MNAT1: variants seen among roughly 807,000 people sequenced by gnomAD.
The protein encoded by MNAT1 is CDK-activating kinase assembly factor MAT1.
In MNAT1, 43 loss-of-function variants were observed where a neutral mutation model predicts 42.0. The ratio of observed to expected loss-of-function variants is 1.02; its 90% CI spans 0.80 to 1.32. The LOEUF (loss-of-function observed/expected upper bound fraction) is 1.32, where lower values mean the gene tolerates loss of function less well. MNAT1 is among the 40% of genes most tolerant of loss of function. The probability of loss-of-function intolerance (pLI) is 0.00; values close to 1 mark genes in which losing one functional copy is unlikely to be tolerated. For synonymous variants in MNAT1, 118 were observed against 120.0 expected (o/e 0.98, Z 0.11); for missense variants, 306 against 350.4 (o/e 0.87, Z 1.01).
At position 60,969,616 on chromosome 14, in the gene MNAT1, C is replaced by T. The variant is rs2036745726; in HGVS notation, c.*1267C>T. The T allele has an allele frequency of 6.6e-6, 1 of 151,986 alleles. No homozygotes were observed. The highest frequency in any genetic ancestry group is 1.5e-5 in the Non-Finnish European group (1 of 67,980). The allele number at this position is 151,986 out of a possible 1,614,324, so 9.4% of individuals were successfully genotyped here. A position where few individuals can be genotyped will look rare whatever the true frequency, so the allele number is the denominator to read the frequency against. ...GGTTTTTTTTTTCAAAGTCCAGTTC[C>T]ATCTACATTCTACCAGACTGCATAT... is the stretch of plus-strand genomic sequence containing the variant. On this transcript the variant is annotated 3_prime_UTR_variant, in exon 8 of 8. Coordinates refer to ENST00000261245, the MANE Select transcript of MNAT1 (RefSeq NM_002431.4).
intron 4 of MNAT1, among the ~76,000 whole-genome samples, chr14:60,810,977 T>C (rs2032524615): frequency 6.6e-6 from 1 of 152,234 alleles, no homozygotes; most frequent in Non-Finnish European, 1.5e-5. Flanking sequence ...ACTGTTACTA[T>C]ATTGCTGTCT....
intron 7 of MNAT1, among the ~76,000 whole-genome samples, chr14:60,918,002 A>G (rs2035563541): frequency 6.6e-6 from 1 of 151,998 alleles, no homozygotes; most frequent in Non-Finnish European, 1.5e-5. Flanking sequence ...TTTCAAATAC[A>G]TCAGCAGGTT....
At chr14:60,939,083 C>T (rs2036076387) in intron 7 of MNAT1, among the ~76,000 whole-genome samples, 1 of 152,102 alleles carries the variant, frequency 6.6e-6, no homozygotes, top group Non-Finnish European at 1.5e-5. Flanking sequence ...GTGATATCCC[C>T]TTTATCATTT....
intron 1 of MNAT1, among the ~76,000 whole-genome samples, chr14:60,745,192 G>C (rs1407173104): frequency 1.3e-5 from 2 of 152,178 alleles, no homozygotes; most frequent in African/African-American, 4.8e-5. Context: ...TATTTGTAGG[G>C]CTCACCTTGT....
rs79513529 is a variant in MNAT1 at position 60,879,971 on chromosome 14, A to T, written c.809+136A>T. On this transcript the variant is annotated intron_variant, in intron 7 of 7. Coordinates refer to ENST00000261245, the MANE Select transcript of MNAT1 (RefSeq NM_002431.4). ...TTGTGAAAAATGAACAGTACTCAAT[A>T]CCAAATTGTTTTATTTAGTACATTA... The T allele has an allele frequency of 7.6e-4, 685 of 898,238 alleles. 2 individuals are homozygous for T. The African/African-American group carries it at 9.8e-3, about 13-fold the overall frequency. The allele number at this position is 898,238 out of a possible 1,614,324, so 55.6% of individuals were successfully genotyped here.
chr14:60,891,007 A>G (rs2034832046), intron 7 of MNAT1, among the ~76,000 whole-genome samples: 1 of 152,304 alleles, frequency 6.6e-6, no homozygotes. Flanking sequence ...TTTTTTAGAA[A>G]CATTTGAGAA....
At chr14:60,801,832 C>T (rs1406029980) in intron 3 of MNAT1, among the ~76,000 whole-genome samples, 1 of 152,090 alleles carries the variant, frequency 6.6e-6, no homozygotes, top group East Asian at 1.9e-4. Flanking sequence ...GGGTCTATAA[C>T]CTATAGCCCT....
chr14:60,928,040 A>G (rs577487606), intron 7 of MNAT1, among the ~76,000 whole-genome samples: 2 of 152,286 alleles, frequency 1.3e-5, no homozygotes, highest in Admixed American at 1.3e-4. Flanking sequence ...CCCCTTTCCC[A>G]TCACCAGACT....
At chr14:60,876,343 T>A (rs2034435770) in intron 6 of MNAT1, among the ~76,000 whole-genome samples, 1 of 152,044 alleles carries the variant, frequency 6.6e-6, no homozygotes, top group South Asian at 2.1e-4. Context: ...TTTTTTTCTC[T>A]TTTTCCTGTG....
chr14:60,834,070 T>G (rs1200964725), intron 6 of MNAT1, among the ~76,000 whole-genome samples: 1 of 152,226 alleles, frequency 6.6e-6, no homozygotes, highest in East Asian at 1.9e-4. Context: ...CTCTCTTGTT[T>G]ATTAGTCTGG....
At chr14:60,929,148 C>CAAAA (rs550828218) in intron 7 of MNAT1, among the ~76,000 whole-genome samples, 3 of 56,080 alleles carry the variant, frequency 5.3e-5, no homozygotes, top group South Asian at 1.4e-3. Flanking sequence ...CTCCATCTCC[C>CAAAA]AAAAAAAAAA....
At chr14:60,839,187 A>T (rs549706079) in intron 6 of MNAT1, among the ~76,000 whole-genome samples, 18 of 152,306 alleles carry the variant, frequency 1.2e-4, no homozygotes, top group Admixed American at 8.5e-4. Flanking sequence ...CAGCAGCCCC[A>T]GAGTGAGAAC....
chr14:60,947,396 T>G (rs1441424344), intron 7 of MNAT1, among the ~76,000 whole-genome samples: 2 of 152,034 alleles, frequency 1.3e-5, no homozygotes, highest in Non-Finnish European at 2.9e-5. Flanking sequence ...GGTACAATAA[T>G]TTATGTTAAA....
chr14:60,789,295 T>A (rs1239044973), intron 1 of MNAT1, among the ~76,000 whole-genome samples: 1 of 152,152 alleles, frequency 6.6e-6, no homozygotes, highest in Admixed American at 6.6e-5. Context: ...CATGGTGCCC[T>A]GAAACAATTA....
At chr14:60,890,224 G>A (rs759853879) in intron 7 of MNAT1, among the ~76,000 whole-genome samples, 15 of 152,112 alleles carry the variant, frequency 9.9e-5, no homozygotes, top group South Asian at 2.1e-4. Flanking sequence ...ATGATAGAGC[G>A]GATTAAGAAA....
At chr14:60,911,522 T>C (rs1218755255) in intron 7 of MNAT1, among the ~76,000 whole-genome samples, 1 of 152,212 alleles carries the variant, frequency 6.6e-6, no homozygotes, top group South Asian at 2.1e-4. Context: ...TGGTATGTTG[T>C]GTCTTTGTTC....
At chr14:60,845,064 A>G (rs907769641) in intron 6 of MNAT1, among the ~76,000 whole-genome samples, 1 of 151,726 alleles carries the variant, frequency 6.6e-6, no homozygotes, top group Admixed American at 6.6e-5. Context: ...TTTCCTGTAG[A>G]TGTCTTTGTT....
intron 7 of MNAT1, among the ~76,000 whole-genome samples, chr14:60,896,768 G>T (rs960934332): frequency 2.0e-5 from 3 of 152,094 alleles, no homozygotes; most frequent in Non-Finnish European, 4.4e-5. Flanking sequence ...TTACAGGCAT[G>T]AGCCACCGCG....
intron 7 of MNAT1, among the ~76,000 whole-genome samples, chr14:60,889,675 T>C (rs983968581): frequency 5.3e-5 from 8 of 152,050 alleles, no homozygotes; most frequent in Non-Finnish European, 1.2e-4. Context: ...ACCTACAAAA[T>C]GGGAGAAAAT....
Sources: gnomAD v4.1 joint callset for allele counts (sites outside exome capture counted in the v4.1 genomes callset) on GRCh38, gnomAD v4.1.1 for gene constraint, MANE v1.5 for transcripts, NCBI Gene and HGNC (gene_info 2026-07-23, HGNC 2026-07-21) for gene names.